WNT7A: variants seen among roughly 807,000 people sequenced by gnomAD.
WNT7A encodes protein Wnt-7a.
WNT7A carries 16 observed loss-of-function variants against 28.2 expected under a neutral mutation model. The ratio of observed to expected loss-of-function variants is 0.57; its 90% CI spans 0.38 to 0.86. The LOEUF is 0.86. Ranked by LOEUF, WNT7A falls within the 40% of genes least tolerant of loss-of-function variation. WNT7A has a pLI of 0.00. For missense variants in WNT7A, 411 were observed against 489.7 expected (o/e 0.84, Z 1.52); for synonymous variants, 190 against 195.9 (o/e 0.97, Z 0.25).
rs563765746 is a variant in WNT7A, at chr3:13,851,140, G to A, written c.570+3392C>T. The stretch of plus-strand genomic sequence containing the variant: ...GCCGTGCGCCCCGAGGCTCCTGCTG[G>A]GTTTAGGCACCAACCGTGGCCACAG... On this transcript the variant is annotated intron_variant, in intron 3 of 3. Coordinates refer to ENST00000285018, the MANE Select transcript of WNT7A (RefSeq NM_004625.4). Among the ~76,000 whole-genome samples the A allele has an allele frequency of 2.6e-5, 4 of 152,272 alleles. No individual in the cohort carries two copies. The South Asian group carries it at 8.3e-4, about 32-fold the overall frequency.
rs188924581 is a variant in WNT7A at position 13,836,477 on chromosome 3, G to C, written c.571-17054C>G. On this transcript the variant is annotated intron_variant, in intron 3 of 3. Transcript: ENST00000285018. ...ATTTCACTGGTCTCAGGTGTGGCCA[G>C]GTGTCTGCTATTTTAAAAAGCTTCT... 4.7e-4 allele frequency among the ~76,000 whole-genome samples: 71 copies of C among 152,350 alleles called. 1 individual carries two copies. The highest frequency in any genetic ancestry group is 2.5e-3 in the Admixed American group (38 of 15,308).
rs996136862 is a variant in WNT7A at position 13,816,660 on chromosome 3, A to T, written c.*2284T>A. The T allele has an allele frequency of 6.6e-6, 1 of 152,194 alleles. No individual in the cohort carries two copies. The allele number at this position is 152,194 out of a possible 1,614,324, so 9.4% of individuals were successfully genotyped here. On this transcript the variant is annotated 3_prime_UTR_variant, in exon 4 of 4. Coordinates refer to ENST00000285018, the MANE Select transcript of WNT7A (RefSeq NM_004625.4). ...CTCCCAAGAAACTGCTCACTTACCTATCTGTAGGTGTACCTACCTCATCAA... is the reference window on the plus strand; with the variant it reads ...CTCCCAAGAAACTGCTCACTTACCTTTCTGTAGGTGTACCTACCTCATCAA...
At chr3:13,873,204 G>A (rs548631708) in intron 2 of WNT7A, among the ~76,000 whole-genome samples, 44 of 152,170 alleles carry the variant, frequency 2.9e-4, no homozygotes, top group African/African-American at 1.0e-3. Flanking sequence ...AGTGAGCCCT[G>A]GGCTTGGGAA....
At chr3:13,858,485 T>C (rs1156593428) in intron 2 of WNT7A, among the ~76,000 whole-genome samples, 2 of 152,146 alleles carry the variant, frequency 1.3e-5, no homozygotes, top group Non-Finnish European at 2.9e-5. Context: ...AATGGACAGC[T>C]AACCACAGAT....
chr3:13,873,775 CA>C (rs1336136319), intron 2 of WNT7A, among the ~76,000 whole-genome samples: 2 of 152,068 alleles, frequency 1.3e-5, no homozygotes, highest in Non-Finnish European at 2.9e-5. Flanking sequence ...TGGACAGGGT[CA>C]GGGGCATGGG....
intron 3 of WNT7A, among the ~76,000 whole-genome samples, chr3:13,831,060 A>C (rs187740837): frequency 6.6e-6 from 1 of 152,302 alleles, no homozygotes; most frequent in East Asian, 1.9e-4. Flanking sequence ...GGATTGTGCC[A>C]TTGTTCAAGG....
At chr3:13,829,271 G>A in intron 3 of WNT7A, among the ~76,000 whole-genome samples, 1 of 152,042 alleles carries the variant, frequency 6.6e-6, no homozygotes, top group East Asian at 1.9e-4. Flanking sequence ...TTATTTTGCA[G>A]GAAAAAAACA....
chr3:13,850,905 A>C (rs1037060269), intron 3 of WNT7A, among the ~76,000 whole-genome samples: 1 of 149,924 alleles, frequency 6.7e-6, no homozygotes, highest in South Asian at 2.2e-4. Context: ...TTCTCCTCCA[A>C]CCTCCCTGAC....
Position 13,816,988 on chromosome 3 carries a change from C to T in WNT7A, c.*1956G>A, listed in dbSNP as rs1302708969. 2.6e-5 allele frequency: 4 copies of T among 152,174 alleles called. No individual in the cohort carries two copies. The highest frequency in any genetic ancestry group is 2.6e-4 in the Admixed American group (4 of 15,278). 9.4% of individuals were successfully genotyped at this position (152,174 alleles called of 1,614,324 possible). A position where few individuals can be genotyped will look rare whatever the true frequency, so the allele number is the denominator to read the frequency against. On this transcript the variant is annotated 3_prime_UTR_variant, in exon 4 of 4. Coordinates refer to ENST00000285018, the MANE Select transcript of WNT7A (RefSeq NM_004625.4). ...CAAGGGAAGAAACCATGCAACCATC[C>T]AGTCACTTTTATTTGCCCATGCTGT...
At chr3:13,831,902 C>A (rs1694284164) in intron 3 of WNT7A, among the ~76,000 whole-genome samples, 1 of 152,150 alleles carries the variant, frequency 6.6e-6, no homozygotes, top group African/African-American at 2.4e-5. Flanking sequence ...ACCTGTCCTG[C>A]TTGCAAATGT....
chr3:13,843,345 C>A (rs1012487949), intron 3 of WNT7A, among the ~76,000 whole-genome samples: 1 of 152,196 alleles, frequency 6.6e-6, no homozygotes, highest in Non-Finnish European at 1.5e-5. Context: ...TTATCTCATG[C>A]AATCTGCACA....
chr3:13,879,054 T>C (rs1034944070), intron 1 of WNT7A, among the ~76,000 whole-genome samples: 1 of 152,048 alleles, frequency 6.6e-6, no homozygotes, highest in Non-Finnish European at 1.5e-5. Context: ...CTCTAGCGCT[T>C]GTCTCCCTCT....
chr3:13,863,285 C>A (rs1350814355), intron 2 of WNT7A, among the ~76,000 whole-genome samples: 1 of 152,166 alleles, frequency 6.6e-6, no homozygotes, highest in Non-Finnish European at 1.5e-5. Context: ...TCCATCCTTA[C>A]TTTGTATTGA....
At chr3:13,853,924 G>A (rs1400386650) in intron 3 of WNT7A, among the ~76,000 whole-genome samples, 1 of 152,158 alleles carries the variant, frequency 6.6e-6, no homozygotes. Flanking sequence ...GGACCTGCAG[G>A]GTGATTGGAC....
At chr3:13,840,820 C>T (rs1437772493) in intron 3 of WNT7A, among the ~76,000 whole-genome samples, 5 of 152,136 alleles carry the variant, frequency 3.3e-5, no homozygotes, top group Non-Finnish European at 7.4e-5. Flanking sequence ...TGCATCCATC[C>T]ATCCATCTAT....
At chr3:13,834,756 C>T (rs1489554109) in intron 3 of WNT7A, among the ~76,000 whole-genome samples, 1 of 152,176 alleles carries the variant, frequency 6.6e-6, no homozygotes, top group Non-Finnish European at 1.5e-5. Flanking sequence ...CTGACTTTTG[C>T]CCTGGTCTTT....
intron 3 of WNT7A, among the ~76,000 whole-genome samples, chr3:13,852,897 AAAGCCATCCCC>A (rs1694663446): frequency 1.3e-5 from 2 of 152,160 alleles, no homozygotes; most frequent in African/African-American, 4.8e-5. Context: ...GCTTTTCTAG[AAAGCCATCCCC>A]AAAGGTCCTC....
intron 2 of WNT7A, among the ~76,000 whole-genome samples, chr3:13,862,569 T>C (rs1019930768): frequency 1.2e-4 from 18 of 152,244 alleles, no homozygotes; most frequent in Non-Finnish European, 1.9e-4. Context: ...TGGCAGTTCA[T>C]AGCCCCTCTG....
At chr3:13,835,737 G>A (rs943009038) in intron 3 of WNT7A, among the ~76,000 whole-genome samples, 6 of 152,202 alleles carry the variant, frequency 3.9e-5, no homozygotes, top group Non-Finnish European at 8.8e-5. Flanking sequence ...GTCAATAACA[G>A]CATTATTCAT....
Sources: gnomAD v4.1 joint callset for allele counts (sites outside exome capture counted in the v4.1 genomes callset) on GRCh38, gnomAD v4.1.1 for gene constraint, MANE v1.5 for transcripts, NCBI Gene and HGNC (gene_info 2026-07-23, HGNC 2026-07-21) for gene names.